The following B3GALT5 variants were observed in gnomAD, a reference collection of about 807,000 sequenced individuals.
B3GALT5 encodes beta-1,3-galactosyltransferase 5.
For missense variants in B3GALT5, 328 were observed against 396.6 expected, an observed-to-expected ratio of 0.83 and a Z score of 1.47; for synonymous variants, 156 against 158.6, an observed-to-expected ratio of 0.98 and a Z score of 0.12.
At position 39,665,847 on chromosome 21, in the gene B3GALT5, A is replaced by G. The variant is rs1325184167; in HGVS notation, c.*4355A>G. 6.6e-6 allele frequency: 1 copy of G among 152,134 alleles called. No individual in the cohort carries two copies. Among genetic ancestry groups the G allele is most frequent in the Non-Finnish European group, 1.5e-5 (1 of 68,024 alleles). 9.4% of individuals were successfully genotyped at this position (152,134 alleles called of 1,614,324 possible). A position where few individuals can be genotyped will look rare whatever the true frequency, so the allele number is the denominator to read the frequency against. ...AATATCTGTTTATTATAACATATCT[A>G]TATTTTATGGTTTATGTTTCACGCA... On this transcript the variant is annotated 3_prime_UTR_variant, in exon 4 of 4. Transcript: ENST00000684187.
intron 1 of B3GALT5, among the ~76,000 whole-genome samples, chr21:39,627,561 C>T (rs560073200): frequency 1.5e-4 from 21 of 138,890 alleles, no homozygotes; most frequent in African/African-American, 4.7e-4. Flanking sequence ...ACCTCCATTT[C>T]CCCCCAACCT....
chr21:39,648,376 T>G lies in B3GALT5; in HGVS notation c.-161+1754T>G, dbSNP rs539381340. 3.9e-5 allele frequency among the ~76,000 whole-genome samples: 6 copies of G among 152,246 alleles called. No homozygotes were observed. In the South Asian group the frequency reaches 1.0e-3, roughly 26 times the overall value. On this transcript the variant is annotated intron_variant, in intron 2 of 3. Coordinates refer to ENST00000684187, the MANE Select transcript of B3GALT5 (RefSeq NM_001356336.2). ...GGGAGGGGACAGGACAGAGCCTGAA[T>G]GGGGGCCAGACCCTCCTAGCATGTG...
chr21:39,648,590 A>T (rs929917141), intron 2 of B3GALT5, among the ~76,000 whole-genome samples: 2 of 152,218 alleles, frequency 1.3e-5, no homozygotes, highest in African/African-American at 4.8e-5. Flanking sequence ...TTGGCCCTCC[A>T]TGCAGTTGAG....
At chr21:39,616,736 C>T (rs767282056) in intron 1 of B3GALT5, among the ~76,000 whole-genome samples, 2 of 151,998 alleles carry the variant, frequency 1.3e-5, no homozygotes, top group African/African-American at 2.4e-5. Context: ...TTTTCTGTGG[C>T]CTGAGGATAT....
At chr21:39,625,769 C>T (rs1346339298) in intron 1 of B3GALT5, among the ~76,000 whole-genome samples, 1 of 152,234 alleles carries the variant, frequency 6.6e-6, no homozygotes, top group Non-Finnish European at 1.5e-5. Flanking sequence ...CCTCCACCTA[C>T]AGAGAGAACT....
rs1007933854 is a variant in B3GALT5 at position 39,670,673 on chromosome 21, T to C, written c.*9181T>C. 7.3e-5 allele frequency: 11 copies of C among 151,658 alleles called. No individual in the cohort carries two copies. Among genetic ancestry groups the C allele is most frequent in the African/African-American group, 2.7e-4 (11 of 41,244 alleles). The allele number at this position is 151,658 out of a possible 1,614,324, so 9.4% of individuals were successfully genotyped here. On this transcript the variant is annotated 3_prime_UTR_variant, in exon 4 of 4. Transcript: ENST00000684187. ...CTATTGAGTATCTACGTGTTTTTTT[T>C]ACAGGCAAGAACTGAGGAGGCAATA...
intron 1 of B3GALT5, chr21:39,630,315 G>A (rs947215782): frequency 6.6e-6 from 1 of 152,208 alleles, no homozygotes; most frequent in Non-Finnish European, 1.5e-5. Context: ...TTGGAGTGAA[G>A]TGAATGTGAG....
At chr21:39,633,391 C>T (rs879421480) in intron 1 of B3GALT5, among the ~76,000 whole-genome samples, 1 of 152,128 alleles carries the variant, frequency 6.6e-6, no homozygotes, top group Non-Finnish European at 1.5e-5. Flanking sequence ...CCTGGATGTA[C>T]AAGATGGTTA....
rs1339331444 is a variant in B3GALT5, at chr21:39,639,400, T to TTCTTTCTC, written c.-391-6991_-391-6990insCTTTCTCT. On this transcript the variant is annotated intron_variant, in intron 1 of 3. Coordinates refer to ENST00000684187, the MANE Select transcript of B3GALT5 (RefSeq NM_001356336.2). ...CTTCCTTCCTTCCTTCCTTCTTTCTTTTTCTTTCTTTCTTTCTTTCTTTCT... is the reference window on the plus strand; with the variant it reads ...CTTCCTTCCTTCCTTCCTTCTTTCTTTCTTTCTCTTTCTTTCTTTCTTTCTTTCTTTCT... Among the ~76,000 whole-genome samples the TTCTTTCTC allele has an allele frequency of 1.5e-3, 86 of 57,198 alleles. 3 individuals carry two copies. Among genetic ancestry groups the TTCTTTCTC allele is most frequent in the African/African-American group, 6.2e-3 (83 of 13,484 alleles). 37.5% of individuals were successfully genotyped at this position (57,198 alleles called of 152,430 possible).
In B3GALT5 at chr21:39,670,350, G is replaced by A. The variant is rs1393460818; in HGVS notation, c.*8858G>A. On this transcript the variant is annotated 3_prime_UTR_variant, in exon 4 of 4. Coordinates refer to ENST00000684187, the MANE Select transcript of B3GALT5 (RefSeq NM_001356336.2). ...AACTGCCCCACCCGTGTCCATGAAG[G>A]GCAGTGGAAGAGCAAGGGGCGGTTT... is the stretch of plus-strand genomic sequence containing the variant. The A allele has an allele frequency of 1.3e-5, 2 of 152,164 alleles. No individual in the cohort carries two copies. Among genetic ancestry groups the A allele is most frequent in the Non-Finnish European group, 2.9e-5 (2 of 68,050 alleles). 9.4% of individuals were successfully genotyped at this position (152,164 alleles called of 1,614,324 possible).
intron 1 of B3GALT5, among the ~76,000 whole-genome samples, chr21:39,642,887 AAAAAG>A (rs1555926643): frequency 1.4e-5 from 2 of 141,626 alleles, no homozygotes; most frequent in East Asian, 2.2e-4. Context: ...AAAAAAAAAA[AAAAAG>A]AAAAGAAAAG....
chr21:39,648,812 A>C (rs2079366255), intron 2 of B3GALT5, among the ~76,000 whole-genome samples: 1 of 151,972 alleles, frequency 6.6e-6, no homozygotes, highest in African/African-American at 2.4e-5. Context: ...CCGAGGGTGG[A>C]GCGCTCGTGA....
chr21:39,625,715 C>G (rs2079160184), intron 1 of B3GALT5, among the ~76,000 whole-genome samples: 1 of 152,226 alleles, frequency 6.6e-6, no homozygotes, highest in Non-Finnish European at 1.5e-5. Context: ...GGGGCGCACA[C>G]AGGGACTCCT....
rs146778477 is a variant in B3GALT5 at position 39,660,737 on chromosome 21, G to T, written c.178G>T (p.Val60Phe). Residue 60 changes from valine to phenylalanine, a missense_variant, in exon 4 of 4, where the codon GTC becomes TTC. Val to Phe is a conservative substitution (Grantham distance 50, BLOSUM62 -1). Coordinates refer to ENST00000684187, the MANE Select transcript of B3GALT5 (RefSeq NM_001356336.2). ...TDCRQTPPFL[V>F]LLVTSSHKQL... ...CTGCAGGCAGACACCTCCCTTCCTC[G>T]TCCTGCTGGTGACCTCATCCCACAA... 1.9e-6 allele frequency: 3 copies of T among 1,545,068 alleles called. No individual in the cohort carries two copies. The highest frequency in any genetic ancestry group is 1.7e-6 in the Non-Finnish European group (2 of 1,147,098).
chr21:39,623,241 C>CCCTCCCTT (rs2079146638), intron 1 of B3GALT5, among the ~76,000 whole-genome samples: 1 of 17,900 alleles, frequency 5.6e-5, no homozygotes, highest in Non-Finnish European at 1.1e-4. Flanking sequence ...CTCCCTCCCT[C>CCCTCCCTT]CCTTCCTTCC....
intron 1 of B3GALT5, among the ~76,000 whole-genome samples, chr21:39,620,341 G>C (rs1261245713): frequency 2.6e-5 from 4 of 152,150 alleles, no homozygotes; most frequent in Non-Finnish European, 5.9e-5. Context: ...TCAATTTGGA[G>C]TTGCCTGATA....
At chr21:39,647,243 G>A (rs2079349317) in intron 2 of B3GALT5, among the ~76,000 whole-genome samples, 1 of 152,216 alleles carries the variant, frequency 6.6e-6, no homozygotes, top group South Asian at 2.1e-4. Flanking sequence ...CTCACCTTGA[G>A]GACGGCCAAA....
At chr21:39,631,376 T>C (rs2146191218) in intron 1 of B3GALT5, among the ~76,000 whole-genome samples, 1 of 152,310 alleles carries the variant, frequency 6.6e-6, no homozygotes, top group South Asian at 2.1e-4. Flanking sequence ...CATCGTTACT[T>C]GGTGTTCTCT....
chr21:39,637,098 G>A (rs774699093), intron 1 of B3GALT5, among the ~76,000 whole-genome samples: 9 of 152,158 alleles, frequency 5.9e-5, no homozygotes, highest in Non-Finnish European at 1.0e-4. Flanking sequence ...CCGAGCACAC[G>A]GGGCCAGCAC....
Sources: allele counts gnomAD v4.1 joint callset (sites outside exome capture counted in the v4.1 genomes callset), GRCh38; gene constraint gnomAD v4.1.1; transcripts MANE v1.5; gene names NCBI Gene and HGNC (gene_info 2026-07-23, HGNC 2026-07-21).